RREB1: variants seen among roughly 807,000 people sequenced by gnomAD.
RREB1 encodes the protein ras responsive element binding protein 1, also known as ras-responsive element-binding protein 1.
Under a neutral mutation model 117.8 loss-of-function variants are expected in RREB1, and 27 were observed. The observed-to-expected ratio is 0.23, with a 90% CI of 0.17 to 0.32. RREB1 has a LOEUF of 0.32. Ranked by LOEUF, RREB1 falls within the 10% of genes least tolerant of loss-of-function variation. The pLI is 1.00. For synonymous variants in RREB1, 1,298 were observed against 1,026.7 expected (o/e 1.26, Z -5.05); for missense variants, 2,577 against 2,378.2 (o/e 1.08, Z -1.74).
rs754766223 is a variant in RREB1, at chr6:7,231,489, C to T, written c.3390C>T (p.Pro1130=). The change falls in exon 10 of 13, where the codon CCC becomes CCT. Residue 1130 remains proline (P), a synonymous_variant. Coordinates refer to ENST00000379938, the MANE Select transcript of RREB1 (RefSeq NM_001003699.4). ...GCCCAAAAGAGTCTAGTGAGCCTCC[C>T]GCTCCAGCCAGCAGCCCAGAGGCTG... ...TTSPKESSEP[P]APASSPEAAS... 10 of 1,611,208 alleles carry T rather than the reference C, an allele frequency of 6.2e-6. No individual in the cohort carries two copies. The highest frequency in any genetic ancestry group is 2.2e-5 in the South Asian group (2 of 90,990).
chr6:7,181,614 G>A, intron 3 of RREB1: 1 of 576,974 alleles, frequency 1.7e-6, no homozygotes. Flanking sequence ...AGAGAAACCT[G>A]CCTCTCATGA....
At chr6:7,179,884 C>T (rs1411396304) in intron 2 of RREB1, among the ~76,000 whole-genome samples, 2 of 151,364 alleles carry the variant, frequency 1.3e-5, no homozygotes, top group South Asian at 2.1e-4. Flanking sequence ...CTCCTGGGTT[C>T]GAGTTGACCC....
At chr6:7,239,832 A>G (rs981782410) in intron 10 of RREB1, among the ~76,000 whole-genome samples, 8 of 152,250 alleles carry the variant, frequency 5.3e-5, no homozygotes, top group Non-Finnish European at 8.8e-5. Flanking sequence ...AGGTCACTGC[A>G]GGATGTCTCG....
intron 1 of RREB1, among the ~76,000 whole-genome samples, chr6:7,115,231 G>C (rs1397072501): frequency 1.3e-5 from 2 of 152,000 alleles, no homozygotes; most frequent in Non-Finnish European, 2.9e-5. Context: ...GGGGATGCAG[G>C]GTAGGAGGCG....
chr6:7,177,359 C>CT (rs1173335344), intron 2 of RREB1, among the ~76,000 whole-genome samples: 165 of 145,048 alleles, frequency 1.1e-3, no homozygotes, highest in African/African-American at 2.5e-3. Context: ...ACATCTCTCT[C>CT]TTTTTTTTTT....
At chr6:7,183,356 A>G (rs1253407734) in intron 4 of RREB1, 5 of 152,184 alleles carry the variant, frequency 3.3e-5, no homozygotes. Context: ...CCATCTATCC[A>G]TCTCTCCATC....
chr6:7,182,836 C>G (rs976731444), intron 4 of RREB1, among the ~76,000 whole-genome samples: 4 of 152,172 alleles, frequency 2.6e-5, no homozygotes, highest in Non-Finnish European at 5.9e-5. Flanking sequence ...TTTGGTTTAA[C>G]TAATTTAATG....
At chr6:7,155,846 T>C (rs1156433932) in intron 1 of RREB1, among the ~76,000 whole-genome samples, 1 of 152,240 alleles carries the variant, frequency 6.6e-6, no homozygotes, top group Non-Finnish European at 1.5e-5. Context: ...TGTTGTTGTT[T>C]AGGTGTCCTT....
At chr6:7,167,575 G>T (rs540955032) in intron 1 of RREB1, among the ~76,000 whole-genome samples, 1 of 152,014 alleles carries the variant, frequency 6.6e-6, no homozygotes, top group African/African-American at 2.4e-5. Context: ...GGCTGGTCTC[G>T]AACTCCTGAC....
At chr6:7,183,056 G>A (rs552059029) in intron 4 of RREB1, 5 of 152,192 alleles carry the variant, frequency 3.3e-5, no homozygotes, top group East Asian at 1.9e-4. Flanking sequence ...TAAGGCTTTC[G>A]ATACAACTTG....
chr6:7,209,599 G>A (rs1296212408), intron 6 of RREB1, among the ~76,000 whole-genome samples: 1 of 140,036 alleles, frequency 7.1e-6, no homozygotes, highest in Non-Finnish European at 1.5e-5. Context: ...TTTGAGACCG[G>A]TTCTCAGTCT....
At chr6:7,188,058 A>T (rs372380154) in intron 5 of RREB1, among the ~76,000 whole-genome samples, 1 of 152,140 alleles carries the variant, frequency 6.6e-6, no homozygotes, top group Non-Finnish European at 1.5e-5. Flanking sequence ...AATCCCAGTT[A>T]CTTGGGAGGC....
chr6:7,202,553 G>A (rs1484695647), intron 6 of RREB1, among the ~76,000 whole-genome samples: 2 of 152,148 alleles, frequency 1.3e-5, no homozygotes, highest in Non-Finnish European at 2.9e-5. Flanking sequence ...CTGGGCTCTT[G>A]AGATCACTTT....
chr6:7,236,887 G>GTTTTTTTTTT (rs869133214), intron 10 of RREB1, among the ~76,000 whole-genome samples: 6 of 63,426 alleles, frequency 9.5e-5, no homozygotes, highest in Admixed American at 2.5e-4. Context: ...GTTTTTGGAG[G>GTTTTTTTTTT]TTTTTTTTTT....
intron 1 of RREB1, among the ~76,000 whole-genome samples, chr6:7,122,002 G>T (rs917545435): frequency 1.3e-5 from 2 of 152,122 alleles, no homozygotes; most frequent in Non-Finnish European, 2.9e-5. Flanking sequence ...TGCCTCACTT[G>T]GATGCATGGC....
intron 1 of RREB1, among the ~76,000 whole-genome samples, chr6:7,113,637 T>A (rs1214470968): frequency 6.6e-6 from 1 of 152,342 alleles, no homozygotes; most frequent in African/African-American, 2.4e-5. Context: ...AGCCTAGCCC[T>A]GTAGAACAGC....
intron 1 of RREB1, among the ~76,000 whole-genome samples, chr6:7,138,190 C>A (rs1762424271): frequency 6.6e-6 from 1 of 152,066 alleles, no homozygotes; most frequent in African/African-American, 2.4e-5. Flanking sequence ...GCATGTTGGT[C>A]CATGTTAATT....
At chr6:7,187,371 A>C in intron 4 of RREB1, 63 bp from the exon 5 acceptor site, 1 of 1,044,900 alleles carries the variant, frequency 9.6e-7, no homozygotes, top group Non-Finnish European at 1.5e-6. Flanking sequence ...CTTATTACAG[A>C]AAGAAAAGGC....
At chr6:7,200,799 A>C (rs1348848845) in intron 6 of RREB1, among the ~76,000 whole-genome samples, 1 of 152,208 alleles carries the variant, frequency 6.6e-6, no homozygotes, top group African/African-American at 2.4e-5. Flanking sequence ...CTGGTTCATA[A>C]TTAGTTTTTT....
Sources: allele counts gnomAD v4.1 joint callset (sites outside exome capture counted in the v4.1 genomes callset), GRCh38; gene constraint gnomAD v4.1.1; transcripts MANE v1.5; gene names NCBI Gene and HGNC (gene_info 2026-07-23, HGNC 2026-07-21).